The following DIAPH2 variants were observed in gnomAD, a reference collection of about 807,000 sequenced individuals.
DIAPH2 encodes the protein protein diaphanous homolog 2.
Under a neutral mutation model 92.7 loss-of-function variants are expected in DIAPH2, and 35 were observed. That is an observed-to-expected ratio of 0.38 (90% CI 0.29 to 0.50). The LOEUF (loss-of-function observed/expected upper bound fraction) is 0.50, where lower values mean the gene tolerates loss of function less well. DIAPH2 is among the 20% of genes least tolerant of loss of function. DIAPH2 has a pLI of 0.94. For missense variants in DIAPH2, 701 were observed against 819.5 expected (o/e 0.86, Z 1.77); for synonymous variants, 301 against 280.4 (o/e 1.07, Z -0.73).
At chrX:96,850,771 C>A (rs1284146052) in intron 4 of DIAPH2, among the ~76,000 whole-genome samples, 1 of 109,629 alleles carries the variant, frequency 9.1e-6, no homozygotes, top group Non-Finnish European at 1.9e-5. Flanking sequence ...CCATATGTTT[C>A]TAATCATAGC....
chrX:97,452,645 A>G (rs1280341196), intron 26 of DIAPH2, among the ~76,000 whole-genome samples: 1 of 112,169 alleles, frequency 8.9e-6, no homozygotes, highest in Non-Finnish European at 1.9e-5. Context: ...CAAATTGGTC[A>G]GTGCCCCTTT....
chrX:97,388,635 C>T (rs2069624064), intron 25 of DIAPH2, among the ~76,000 whole-genome samples: 1 of 111,495 alleles, frequency 9.0e-6, no homozygotes, highest in Admixed American at 9.5e-5. Flanking sequence ...AAGTATAAAT[C>T]AGAGGTTCTG....
chrX:97,119,718 G>T (rs1416239013), intron 21 of DIAPH2, among the ~76,000 whole-genome samples: 1 of 111,560 alleles, frequency 9.0e-6, no homozygotes, highest in East Asian at 2.8e-4. Flanking sequence ...CCTTGGGTGG[G>T]TCTTGTTGCG....
At chrX:97,128,804 G>A (rs1006759652) in intron 21 of DIAPH2, among the ~76,000 whole-genome samples, 14 of 112,197 alleles carry the variant, frequency 1.2e-4, no homozygotes, top group African/African-American at 3.6e-4. Flanking sequence ...TGTGTTGTTA[G>A]TGACTTTTTT....
intron 17 of DIAPH2, among the ~76,000 whole-genome samples, chrX:97,029,908 C>T (rs1280924945): frequency 1.8e-5 from 2 of 111,198 alleles, no homozygotes; most frequent in African/African-American, 6.5e-5. Flanking sequence ...TTGATACATA[C>T]TGACCTACTT....
chrX:96,746,019 C>A (rs767235164), intron 3 of DIAPH2, among the ~76,000 whole-genome samples: 2 of 111,668 alleles, frequency 1.8e-5, no homozygotes, highest in Non-Finnish European at 3.8e-5. Flanking sequence ...CCCACTTGAG[C>A]CTCCCAAGTA....
intron 26 of DIAPH2, among the ~76,000 whole-genome samples, chrX:97,575,485 C>T (rs762901294): frequency 5.3e-5 from 6 of 112,170 alleles, no homozygotes; most frequent in Admixed American, 1.9e-4. Flanking sequence ...CCATAAAGAC[C>T]CTATCTCCAA....
At chrX:97,129,794 T>C (rs2067125970) in intron 21 of DIAPH2, among the ~76,000 whole-genome samples, 1 of 110,580 alleles carries the variant, frequency 9.0e-6, no homozygotes, top group South Asian at 3.9e-4. Context: ...CATAATCAAA[T>C]AACACTATCA....
At chrX:96,730,345 C>T (rs2064046361) in intron 1 of DIAPH2, among the ~76,000 whole-genome samples, 1 of 111,577 alleles carries the variant, frequency 9.0e-6, no homozygotes, top group Non-Finnish European at 1.9e-5. Flanking sequence ...TATAATAAAG[C>T]ATTTGAATGC....
At chrX:97,203,625 G>A (rs2067771474) in intron 22 of DIAPH2, among the ~76,000 whole-genome samples, 1 of 111,794 alleles carries the variant, frequency 8.9e-6, no homozygotes, top group Non-Finnish European at 1.9e-5. Context: ...AAACCAGGAA[G>A]AAGTCGAATC....
At chrX:96,902,108 A>C (rs1404440587) in intron 5 of DIAPH2, among the ~76,000 whole-genome samples, 1 of 111,849 alleles carries the variant, frequency 8.9e-6, no homozygotes, top group Non-Finnish European at 1.9e-5. Context: ...TTCCTTTTGC[A>C]GTTGATTTCC....
chrX:97,260,565 A>C (rs2068280452), intron 23 of DIAPH2, among the ~76,000 whole-genome samples: 1 of 112,444 alleles, frequency 8.9e-6, no homozygotes. Context: ...TTATGGTCTT[A>C]CTGGATTTAC....
intron 3 of DIAPH2, among the ~76,000 whole-genome samples, chrX:96,749,688 A>G (rs887406141): frequency 1.8e-5 from 2 of 111,871 alleles, no homozygotes; most frequent in African/African-American, 6.5e-5. Flanking sequence ...TTCTAAATAA[A>G]TGGGTTTAAA....
intron 23 of DIAPH2, among the ~76,000 whole-genome samples, chrX:97,344,691 T>G (rs1488827088): frequency 8.9e-6 from 1 of 112,340 alleles, no homozygotes; most frequent in East Asian, 2.8e-4. Flanking sequence ...TTTTTCAGGT[T>G]TCCTCACTTG....
At position 97,039,940 on chromosome X, in the gene DIAPH2, G is replaced by C. The variant is rs1226843930; in HGVS notation, c.2051-33001G>C. On this transcript the variant is annotated intron_variant, in intron 17 of 26. Coordinates refer to ENST00000324765, the MANE Select transcript of DIAPH2 (RefSeq NM_006729.5). Reference sequence around the variant, plus strand: ...TTTTGCTTGCTTTCTCAGGCACACAGACTTCACTGAAGAGTAGTAAGCTTG... The same window carrying C: ...TTTTGCTTGCTTTCTCAGGCACACACACTTCACTGAAGAGTAGTAAGCTTG... Among the ~76,000 whole-genome samples the C allele has an allele frequency of 2.7e-5, 3 of 111,505 alleles. No homozygotes were observed. In the Admixed American group the frequency reaches 2.9e-4, roughly 11 times the overall value.
intron 26 of DIAPH2, among the ~76,000 whole-genome samples, chrX:97,486,765 T>C (rs188379705): frequency 1.8e-5 from 2 of 112,195 alleles, no homozygotes; most frequent in Admixed American, 1.9e-4. Context: ...TTTTTGGTTG[T>C]AGGAAGAAAA....
intron 23 of DIAPH2, among the ~76,000 whole-genome samples, chrX:97,268,922 T>C (rs1274750815): frequency 9.9e-6 from 1 of 100,505 alleles, no homozygotes; most frequent in African/African-American, 3.7e-5. Flanking sequence ...AGTGGTGCAA[T>C]CTCGGCTCAC....
At position 96,863,476 on chromosome X, in the gene DIAPH2, C is replaced by A. The variant is rs1351133949; in HGVS notation, c.448-18103C>A. Among the ~76,000 whole-genome samples the A allele has an allele frequency of 2.7e-5, 3 of 110,140 alleles. No individual in the cohort carries two copies. In the Admixed American group the frequency reaches 2.9e-4, roughly 11 times the overall value. ...AGTAACAATCTTTAATTTAGAAAAT[C>A]TGAAAACAAAGGAAATTTTAAAGAA... On this transcript the variant is annotated intron_variant, in intron 4 of 26. Transcript: ENST00000324765.
At chrX:97,574,879 G>A (rs752140228) in intron 26 of DIAPH2, among the ~76,000 whole-genome samples, 17 of 111,985 alleles carry the variant, frequency 1.5e-4, no homozygotes, top group Admixed American at 1.5e-3. Context: ...GTAAGGGTGA[G>A]GCTAGAGACA....
Sources: allele counts gnomAD v4.1 joint callset (sites outside exome capture counted in the v4.1 genomes callset), GRCh38; gene constraint gnomAD v4.1.1; transcripts MANE v1.5; gene names NCBI Gene and HGNC (gene_info 2026-07-23, HGNC 2026-07-21).